Variants in CPLANE1 observed in about 807,000 individuals in gnomAD.
The protein encoded by CPLANE1 is ciliogenesis and planar polarity effector complex subunit 1, also known as ciliogenesis and planar polarity effector 1.
A neutral mutation model predicts 362.5 loss-of-function variants in CPLANE1; 263 were observed. The ratio of observed to expected loss-of-function variants is 0.73; its 90% CI spans 0.66 to 0.80. The LOEUF is 0.80. Ranked by LOEUF, CPLANE1 falls within the 30% of genes least tolerant of loss-of-function variation. The probability of loss-of-function intolerance (pLI) is 0.00; values close to 1 mark genes in which losing one functional copy is unlikely to be tolerated. For missense variants in CPLANE1, 3,461 were observed against 3,793.4 expected (o/e 0.91, Z 2.30); for synonymous variants, 1,212 against 1,302.6 (o/e 0.93, Z 1.50).
rs1795324635 is a variant in CPLANE1, at chr5:37,221,381, C to T, written c.2689G>A (p.Ala897Thr). ...TGGGACCATCTCAGGATTTCTCTTG[C>T]TAGCTGATCACACAATCCTTGAGCA... is the stretch of plus-strand genomic sequence containing the variant. The part of the protein sequence containing the change: ...NDAQGLCDQL[A>T]REILRWSQLP... The change falls in exon 15 of 53, where the codon GCA becomes ACA. Residue 897 changes from alanine to threonine, a missense_variant. Physicochemically the swap from Ala to Thr is moderately conservative, Grantham distance 58. Around this residue, in one of 2 missense-constraint regions of CPLANE1, gnomAD observed 3,380 missense variants for 3,666.1 expected, o/e 0.92. Transcript: ENST00000651892. 6.5e-7 allele frequency: 1 copy of T among 1,533,254 alleles called. No homozygotes were observed. The highest frequency in any genetic ancestry group is 1.4e-5 in the African/African-American group (1 of 71,914). The allele number at this position is 1,533,254 out of a possible 1,614,324, so 95.0% of individuals were successfully genotyped here. A position where few individuals can be genotyped will look rare whatever the true frequency, so the allele number is the denominator to read the frequency against.
intron 21 of CPLANE1, among the ~76,000 whole-genome samples, chr5:37,193,675 A>C (rs1487928089): frequency 6.6e-6 from 1 of 152,070 alleles, no homozygotes; most frequent in East Asian, 1.9e-4. Context: ...AAATAAATAA[A>C]ATTAAGAGTT....
At chr5:37,083,176 A>G in the CPLANE1 span, among the ~76,000 whole-genome samples, 1 of 152,210 alleles carries the variant, frequency 6.6e-6, no homozygotes, top group African/African-American at 2.4e-5. Flanking sequence ...CAGAAGAAAG[A>G]TAACAATCAC....
At chr5:37,133,717 GA>G (rs771047125) in intron 46 of CPLANE1, among the ~76,000 whole-genome samples, 4 of 152,088 alleles carry the variant, frequency 2.6e-5, no homozygotes, top group African/African-American at 4.8e-5. Context: ...TACTGTCATA[GA>G]AAAGAGATAA....
intron 26 of CPLANE1, among the ~76,000 whole-genome samples, chr5:37,181,255 T>C (rs565767778): frequency 1.4e-4 from 21 of 152,346 alleles, no homozygotes; most frequent in Admixed American, 3.9e-4. Flanking sequence ...TTGTAAGGCA[T>C]ATTGTCATTG....
rs150234052 is a variant in CPLANE1 at position 37,132,193 on chromosome 5, T to C, written c.8792+6527A>G. Among the ~76,000 whole-genome samples the C allele has an allele frequency of 1.3e-3, 205 of 152,232 alleles. 3 individuals are homozygous for C. The highest frequency in any genetic ancestry group is 4.7e-3 in the African/African-American group (197 of 41,558). On this transcript the variant is annotated intron_variant, in intron 46 of 52. Coordinates refer to ENST00000651892, the MANE Select transcript of CPLANE1 (RefSeq NM_001384732.1). ...GTTTTTGTACAATATTTTCTGGTAATAGAAAAATATTGTTACCAGAAAATA... is the reference window on the plus strand; with the variant it reads ...GTTTTTGTACAATATTTTCTGGTAACAGAAAAATATTGTTACCAGAAAATA...
chr5:37,222,040 G>A (rs1795470169), intron 14 of CPLANE1, among the ~76,000 whole-genome samples: 1 of 151,620 alleles, frequency 6.6e-6, no homozygotes, highest in Admixed American at 6.6e-5. Flanking sequence ...TGAAGCAGAA[G>A]AAACAGTTAT....
chr5:37,096,554 C>T, the CPLANE1 span, among the ~76,000 whole-genome samples: 1 of 152,036 alleles, frequency 6.6e-6, no homozygotes, highest in Non-Finnish European at 1.5e-5. Context: ...AGATAAATAG[C>T]TGGGTCTTAA....
At chr5:37,108,216 A>T in intron 52 of CPLANE1, 77 bp downstream of exon 52, 1 of 1,353,814 alleles carries the variant, frequency 7.4e-7, no homozygotes, top group South Asian at 1.3e-5. Context: ...AAACTAAAAA[A>T]CAAACAAACA....
Position 37,106,263 on chromosome 5 carries a change from C to T in CPLANE1, c.*1339G>A, listed in dbSNP as rs542626078. On this transcript the variant is annotated 3_prime_UTR_variant, in exon 53 of 53. Transcript: ENST00000651892. Reference sequence around the variant, plus strand: ...CTGCACTCCTACATTTATTGCAGCTCTATTCACAACAGCTAAGATATAGAA... The same window carrying T: ...CTGCACTCCTACATTTATTGCAGCTTTATTCACAACAGCTAAGATATAGAA... 6.6e-6 allele frequency: 1 copy of T among 152,358 alleles called. No individual in the cohort carries two copies. Among genetic ancestry groups the T allele is most frequent in the East Asian group, 1.9e-4 (1 of 5,194 alleles). The allele number at this position is 152,358 out of a possible 1,614,324, so 9.4% of individuals were successfully genotyped here. A position where few individuals can be genotyped will look rare whatever the true frequency, so the allele number is the denominator to read the frequency against.
intron 24 of CPLANE1, among the ~76,000 whole-genome samples, chr5:37,185,407 G>T (rs2151185171): frequency 6.6e-6 from 1 of 151,794 alleles, no homozygotes; most frequent in East Asian, 1.9e-4. Context: ...TTAATAAAAA[G>T]AATAATGAAT....
At chr5:37,142,180 C>T in intron 44 of CPLANE1, 130 bp downstream of exon 44, 2 of 1,282,114 alleles carry the variant, frequency 1.6e-6, no homozygotes, top group African/African-American at 1.5e-5. Flanking sequence ...TTTTAACTTT[C>T]CTTCCCCTAA....
intron 46 of CPLANE1, among the ~76,000 whole-genome samples, chr5:37,136,264 T>C (rs1767680645): frequency 6.6e-6 from 1 of 152,210 alleles, no homozygotes; most frequent in African/African-American, 2.4e-5. Flanking sequence ...AAAGGGGCTA[T>C]CAGCCTCATA....
At chr5:37,120,139 CT>C (rs1268360915) in intron 50 of CPLANE1, 76 bp downstream of exon 50, 6 of 1,402,000 alleles carry the variant, frequency 4.3e-6, no homozygotes, top group Non-Finnish European at 5.9e-6. Flanking sequence ...ATACCTTTTA[CT>C]AATGAAAACA....
intron 1 of CPLANE1, among the ~76,000 whole-genome samples, chr5:37,248,221 G>A (rs755505424): frequency 2.0e-5 from 3 of 151,850 alleles, no homozygotes; most frequent in Non-Finnish European, 4.4e-5. Context: ...TCCGCCTCCC[G>A]GGTTCAAGCG....
chr5:37,167,339 T>C, intron 34 of CPLANE1, 126 bp from the exon 35 acceptor site: 2 of 730,386 alleles, frequency 2.7e-6, no homozygotes, highest in Non-Finnish European at 4.4e-6. Flanking sequence ...ACAAATCAAA[T>C]ATAACAAATT....
At chr5:37,091,598 T>G in the CPLANE1 span, among the ~76,000 whole-genome samples, 1 of 152,198 alleles carries the variant, frequency 6.6e-6, no homozygotes, top group Non-Finnish European at 1.5e-5. Flanking sequence ...ACCCTTAATT[T>G]TCTAAATTTA....
In CPLANE1 at chr5:37,198,738, T is replaced by C. The variant is rs1788281485; in HGVS notation, c.3636A>G (p.Ile1212Met). The change falls in exon 20 of 53, where the codon ATA becomes ATG. Residue 1212 changes from isoleucine to methionine, a missense_variant. This residue lies in a region of CPLANE1 where 3,380 missense variants were observed against 3,666.1 expected (regional missense o/e 0.92). Coordinates refer to ENST00000651892, the MANE Select transcript of CPLANE1 (RefSeq NM_001384732.1). ...QCSFPVAQWY[I>M]LQLRWARKVM... Reference sequence around the variant, plus strand: ...CTTTTCTTGCCCACCTCAACTGCAATATATACCACTGTGCTACAGGAAAAG... The same window carrying C: ...CTTTTCTTGCCCACCTCAACTGCAACATATACCACTGTGCTACAGGAAAAG... 1.2e-6 allele frequency: 2 copies of C among 1,614,038 alleles called. No homozygotes were observed. The highest frequency in any genetic ancestry group is 1.7e-6 in the Non-Finnish European group (2 of 1,179,972).
chr5:37,198,210 T>C (rs1188217821), intron 20 of CPLANE1, among the ~76,000 whole-genome samples: 1 of 152,144 alleles, frequency 6.6e-6, no homozygotes, highest in Non-Finnish European at 1.5e-5. Flanking sequence ...GAAGTCAATA[T>C]AGAAGGGGAT....
At position 37,106,699 on chromosome 5, in the gene CPLANE1, C is replaced by T; in HGVS notation, c.*903G>A. 2.6e-6 allele frequency: 1 copy of T among 380,044 alleles called. No homozygotes were observed. The highest frequency in any genetic ancestry group is 3.6e-6 in the Non-Finnish European group (1 of 276,798). 23.5% of individuals were successfully genotyped at this position (380,044 alleles called of 1,614,324 possible). ...TTACCATACCTGCTTCTGCATTCAACTTGCTGCAATACATGTTGTAAAACC... is the reference window on the plus strand; with the variant it reads ...TTACCATACCTGCTTCTGCATTCAATTTGCTGCAATACATGTTGTAAAACC... On this transcript the variant is annotated 3_prime_UTR_variant, in exon 53 of 53. Coordinates refer to ENST00000651892, the MANE Select transcript of CPLANE1 (RefSeq NM_001384732.1).
Sources: gnomAD v4.1 joint callset for allele counts (sites outside exome capture counted in the v4.1 genomes callset) on GRCh38, gnomAD v4.1.1 for gene constraint, gnomAD v4.1.1 regional missense constraint, MANE v1.5 for transcripts, NCBI Gene and HGNC (gene_info 2026-07-23, HGNC 2026-07-21) for gene names.